Variants in WWC1 observed in about 807,000 individuals in gnomAD.
WWC1 encodes the protein WW and C2 domain containing 1.
Under a neutral mutation model 138.4 loss-of-function variants are expected in WWC1, and 55 were observed. The ratio of observed to expected loss-of-function variants is 0.40; its 90% CI spans 0.32 to 0.50. The LOEUF (loss-of-function observed/expected upper bound fraction) is 0.50, where lower values mean the gene tolerates loss of function less well. WWC1 is among the 20% of genes least tolerant of loss of function. The pLI, the probability that WWC1 is intolerant of heterozygous loss-of-function variation, is 0.72. For missense variants in WWC1, 1,226 were observed against 1,420.4 expected, an observed-to-expected ratio of 0.86 and a Z score of 2.20; for synonymous variants, 524 against 564.9, an observed-to-expected ratio of 0.93 and a Z score of 1.03.
intron 2 of WWC1, among the ~76,000 whole-genome samples, chr5:168,374,063 AAGAG>A (rs56162331): frequency 2.1e-5 from 3 of 144,034 alleles, no homozygotes; most frequent in African/African-American, 8.0e-5. Flanking sequence ...AAAAAAAAAA[AAGAG>A]AGAGAGGTAT....
intron 1 of WWC1, among the ~76,000 whole-genome samples, chr5:168,369,777 C>G (rs892828558): frequency 6.6e-6 from 1 of 151,986 alleles, no homozygotes; most frequent in Non-Finnish European, 1.5e-5. Context: ...TTCAGCATCC[C>G]TTTCTTCATG....
chr5:168,431,203 C>T (rs759673062), intron 14 of WWC1, 49 bp from the exon 15 acceptor site: 4 of 1,528,674 alleles, frequency 2.6e-6, no homozygotes, highest in Non-Finnish European at 3.5e-6. Context: ...ACATTTTAGC[C>T]CCAGACATGG....
chr5:168,436,522 G>A (rs1338321256), intron 15 of WWC1, among the ~76,000 whole-genome samples: 7 of 152,168 alleles, frequency 4.6e-5, no homozygotes, highest in African/African-American at 1.4e-4. Flanking sequence ...CTCCGCACTC[G>A]CCTCGAATCT....
intron 1 of WWC1, among the ~76,000 whole-genome samples, chr5:168,297,362 C>T (rs1370520793): frequency 1.3e-5 from 2 of 152,224 alleles, no homozygotes; most frequent in African/African-American, 4.8e-5. Flanking sequence ...TGCGGTGGCT[C>T]ATGCCTATAA....
intron 19 of WWC1, 89 bp from the exon 20 acceptor site, chr5:168,460,561 T>C (rs1037904499): frequency 2.4e-5 from 30 of 1,245,084 alleles, no homozygotes; most frequent in Non-Finnish European, 3.4e-5. Context: ...CTGTGCCGAG[T>C]GGAGGAACCT....
chr5:168,295,046 C>T (rs936711263), intron 1 of WWC1, among the ~76,000 whole-genome samples: 5 of 152,154 alleles, frequency 3.3e-5, no homozygotes, highest in African/African-American at 7.2e-5. Flanking sequence ...CTGGGGGTCA[C>T]TATTGTGGTC....
intron 1 of WWC1, among the ~76,000 whole-genome samples, chr5:168,330,110 A>G (rs1364063668): frequency 6.6e-5 from 10 of 152,312 alleles, no homozygotes; most frequent in Non-Finnish European, 1.5e-4. Flanking sequence ...ACCCTGTCTC[A>G]AAACAAAACA....
intron 5 of WWC1, among the ~76,000 whole-genome samples, chr5:168,403,074 CTTT>C (rs1779491954): frequency 8.8e-6 from 1 of 113,432 alleles, no homozygotes; most frequent in Non-Finnish European, 1.9e-5. Context: ...TTCTTTCTTT[CTTT>C]CTTTTCTTTC....
At chr5:168,390,986 C>T (rs188624827) in intron 3 of WWC1, among the ~76,000 whole-genome samples, 6 of 152,316 alleles carry the variant, frequency 3.9e-5, no homozygotes, top group Admixed American at 3.9e-4. Flanking sequence ...AAGTGGCTTC[C>T]CCAAAGGCAC....
At chr5:168,407,868 C>CT (rs11384431) in intron 6 of WWC1, among the ~76,000 whole-genome samples, 3,694 of 147,216 alleles carry the variant, frequency 0.025, 136 homozygotes, top group African/African-American at 0.085. Context: ...TTCTTCCCCC[C>CT]TTTTTTTTTT....
intron 11 of WWC1, 41 bp downstream of exon 11, chr5:168,424,109 G>A (rs1781333694): frequency 1.9e-6 from 3 of 1,542,940 alleles, no homozygotes; most frequent in South Asian, 1.3e-5. Context: ...CCAGGAGGAG[G>A]GAAAGAGATA....
chr5:168,381,536 A>T (rs2152815947), intron 2 of WWC1, among the ~76,000 whole-genome samples: 1 of 152,256 alleles, frequency 6.6e-6, no homozygotes, highest in East Asian at 1.9e-4. Context: ...GTAAATCATC[A>T]TTGCTTTATT....
At chr5:168,384,122 T>C (rs1469537351) in intron 2 of WWC1, among the ~76,000 whole-genome samples, 1 of 152,072 alleles carries the variant, frequency 6.6e-6, no homozygotes, top group African/African-American at 2.4e-5. Flanking sequence ...GTGTTATCTT[T>C]ATAATAGTGC....
At position 168,467,821 on chromosome 5, in the gene WWC1, C is replaced by A; in HGVS notation, c.3151-19C>A. ...GGAGGCCCCCTCCACTGACTCAGGG[C>A]CTTGCTTGCTTTGCCCAGCAGATGG... is the stretch of plus-strand genomic sequence containing the variant. On this transcript the variant is annotated intron_variant, in intron 21 of 22. Coordinates refer to ENST00000265293, the MANE Select transcript of WWC1 (RefSeq NM_015238.3). 2 of 1,614,114 alleles carry A rather than the reference C, an allele frequency of 1.2e-6. No individual in the cohort carries two copies. Among genetic ancestry groups the A allele is most frequent in the Non-Finnish European group, 1.7e-6 (2 of 1,179,988 alleles).
chr5:168,397,402 C>T (rs907227983), intron 3 of WWC1, among the ~76,000 whole-genome samples: 2 of 152,190 alleles, frequency 1.3e-5, no homozygotes, highest in African/African-American at 4.8e-5. Flanking sequence ...CTCAGCCTCC[C>T]AAAGGGCTGG....
chr5:168,414,169 C>A, intron 8 of WWC1, 179 bp from the exon 9 acceptor site: 2 of 837,874 alleles, frequency 2.4e-6, no homozygotes, highest in Non-Finnish European at 3.6e-6. Context: ...ATTGTTGGCA[C>A]ATGGTAGGCA....
At chr5:168,379,916 T>C (rs1456108477) in intron 2 of WWC1, among the ~76,000 whole-genome samples, 1 of 152,078 alleles carries the variant, frequency 6.6e-6, no homozygotes, top group African/African-American at 2.4e-5. Context: ...GAAGAAAACA[T>C]AGGAGAAAAT....
intron 1 of WWC1, among the ~76,000 whole-genome samples, chr5:168,312,815 C>CTTTT (rs763253959): frequency 3.2e-5 from 4 of 123,768 alleles, no homozygotes; most frequent in Non-Finnish European, 5.1e-5. Flanking sequence ...ATCCTAAGTA[C>CTTTT]TTTTTTTTTT....
At chr5:168,302,268 G>A (rs569325051) in intron 1 of WWC1, among the ~76,000 whole-genome samples, 2 of 152,308 alleles carry the variant, frequency 1.3e-5, no homozygotes, top group South Asian at 2.1e-4. Context: ...CATTTATCAC[G>A]TCCCACCCAG....
Sources: allele counts gnomAD v4.1 joint callset (sites outside exome capture counted in the v4.1 genomes callset), GRCh38; gene constraint gnomAD v4.1.1; transcripts MANE v1.5; gene names NCBI Gene and HGNC (gene_info 2026-07-23, HGNC 2026-07-21).